Variants in ABHD5 observed in about 807,000 individuals in gnomAD.
ABHD5 encodes abhydrolase domain containing 5, lysophosphatidic acid acyltransferase, also known as 1-acylglycerol-3-phosphate O-acyltransferase ABHD5.
Under a neutral mutation model 44.9 loss-of-function variants are expected in ABHD5, and 30 were observed. That is an observed-to-expected ratio of 0.67 (90% CI 0.50 to 0.91). The LOEUF is 0.91. Ranked by LOEUF, ABHD5 falls within the 40% of genes least tolerant of loss-of-function variation. The pLI, the probability that ABHD5 is intolerant of heterozygous loss-of-function variation, is 0.00. For missense variants in ABHD5, 399 were observed against 423.4 expected (o/e 0.94, Z 0.50); for synonymous variants, 167 against 147.0 (o/e 1.14, Z -0.99).
chr3:43,725,607 T>C (rs1257700715), downstream of ABHD5, among the ~76,000 whole-genome samples: 6 of 152,212 alleles, frequency 3.9e-5, no homozygotes, highest in Non-Finnish European at 8.8e-5. Flanking sequence ...ATCCTACTTT[T>C]TAAAAAATTA....
At chr3:43,710,086 A>G (rs1233960098) in intron 3 of ABHD5, among the ~76,000 whole-genome samples, 2 of 152,146 alleles carry the variant, frequency 1.3e-5, no homozygotes, top group African/African-American at 4.8e-5. Context: ...TGGTCAAAAT[A>G]TAAGAGTTAG....
At position 43,699,317 on chromosome 3, in the gene ABHD5, C is replaced by T. The variant is rs1391492123; in HGVS notation, c.89C>T (p.Thr30Met). Residue 30 changes from threonine to methionine, a missense_variant, in exon 2 of 7, where the codon ACG becomes ATG. Physicochemically the swap from Thr to Met is moderately conservative, Grantham distance 81. Transcript: ENST00000644371. Reference sequence around the variant, plus strand: ...GGTTGGCTCCCCACATGGTGCCCTACGTCTATATCACACCTTAAAGAAGCT... The same window carrying T: ...GGTTGGCTCCCCACATGGTGCCCTATGTCTATATCACACCTTAAAGAAGCT... ...LTGWLPTWCP[T>M]SISHLKEAEE... 1.1e-5 allele frequency: 17 copies of T among 1,614,032 alleles called. No homozygotes were observed. Among genetic ancestry groups the T allele is most frequent in the Admixed American group, 1.7e-5 (1 of 60,020 alleles).
intron 3 of ABHD5, among the ~76,000 whole-genome samples, chr3:43,706,723 C>T (rs1381865046): frequency 1.3e-5 from 2 of 152,190 alleles, no homozygotes; most frequent in African/African-American, 4.8e-5. Context: ...GCCGGGATTA[C>T]AGGCATGAGA....
chr3:43,702,446 G>T lies in ABHD5; in HGVS notation c.365G>T (p.Ser122Ile), dbSNP rs1306878020. The change falls in exon 3 of 7, where the codon AGT becomes ATT. Residue 122 changes from serine to isoleucine, a missense_variant. Transcript: ENST00000644371. Reference protein sequence around the residue: ...FGRSSRPRFDSDAEEVENQFV... With the variant: ...FGRSSRPRFDIDAEEVENQFV... ...CGAAGTAGTAGACCCAGGTTTGACAGTGATGCAGAAGAAGTGGAGAATCAG... is the reference window on the plus strand; with the variant it reads ...CGAAGTAGTAGACCCAGGTTTGACATTGATGCAGAAGAAGTGGAGAATCAG... The T allele has an allele frequency of 2.5e-6, 4 of 1,614,254 alleles. No individual in the cohort carries two copies. The highest frequency in any genetic ancestry group is 3.4e-6 in the Non-Finnish European group (4 of 1,180,050).
chr3:43,696,373 G>T (rs375908146), intron 1 of ABHD5, among the ~76,000 whole-genome samples: 2 of 152,156 alleles, frequency 1.3e-5, no homozygotes, highest in East Asian at 3.9e-4. Context: ...CTTGAATTTT[G>T]TGACCTCAGA....
Position 43,690,969 on chromosome 3 carries a change from C to A in ABHD5, c.-24C>A, listed in dbSNP as rs189850893. The A allele has an allele frequency of 6.4e-6, 10 of 1,567,498 alleles. No homozygotes were observed. Among genetic ancestry groups the A allele is most frequent in the Middle Eastern group, 1.7e-4 (1 of 5,888 alleles). On this transcript the variant is annotated 5_prime_UTR_variant, in exon 1 of 7. Coordinates refer to ENST00000644371, the MANE Select transcript of ABHD5 (RefSeq NM_016006.6). The stretch of plus-strand genomic sequence containing the variant: ...CCTGTCAGCCGGCTTCGAGATAAGT[C>A]CCGGCGCTTGCGCGGCGGCGGCTAT...
rs1197048854 is a variant in ABHD5, at chr3:43,730,502, T to C, written c.*30-3378T>C. Among the ~76,000 whole-genome samples, 25 of 27,418 alleles carry C rather than the reference T, an allele frequency of 9.1e-4. No individual in the cohort carries two copies. The East Asian group carries it at 0.025, about 27-fold the overall frequency. The allele number at this position is 27,418 out of a possible 152,430, so 18.0% of individuals were successfully genotyped here. A position where few individuals can be genotyped will look rare whatever the true frequency, so the allele number is the denominator to read the frequency against. ...AATGGAGAATAGAAAATAATCCCTT[T>C]TTTTTTTTTTTTTTTTTTTTTGAGA... On this transcript the variant is annotated intron_variant, in intron 7 of 7. Transcript: ENST00000454293.
intron 3 of ABHD5, among the ~76,000 whole-genome samples, chr3:43,705,341 A>G (rs2084602984): frequency 2.0e-5 from 3 of 152,202 alleles, no homozygotes; most frequent in African/African-American, 7.2e-5. Context: ...TTGCCCAGTT[A>G]GTCTACATCT....
Position 43,722,465 on chromosome 3 carries a change from G to T in ABHD5, c.*3933G>T. 1 of 152,174 alleles carries T rather than the reference G, an allele frequency of 6.6e-6. No individual in the cohort carries two copies. Among genetic ancestry groups the T allele is most frequent in the South Asian group, 2.1e-4 (1 of 4,826 alleles). The allele number at this position is 152,174 out of a possible 1,614,324, so 9.4% of individuals were successfully genotyped here. A position where few individuals can be genotyped will look rare whatever the true frequency, so the allele number is the denominator to read the frequency against. On this transcript the variant is annotated 3_prime_UTR_variant, in exon 7 of 7. Coordinates refer to ENST00000644371, the MANE Select transcript of ABHD5 (RefSeq NM_016006.6). ...TAAAATGATCTCCTTGTTAGTGGTG[G>T]TAGGGAGCTAGACAAGGATGGCAAC...
At chr3:43,696,180 T>C (rs982716769) in intron 1 of ABHD5, among the ~76,000 whole-genome samples, 6 of 152,242 alleles carry the variant, frequency 3.9e-5, no homozygotes, top group African/African-American at 1.4e-4. Context: ...TGTATTACAG[T>C]TGACACTTTG....
At chr3:43,704,033 CTTTTTTTTTTT>C (rs10544525) in intron 3 of ABHD5, among the ~76,000 whole-genome samples, 3 of 84,860 alleles carry the variant, frequency 3.5e-5, no homozygotes, top group Non-Finnish European at 6.5e-5. Context: ...TCTTTATTTT[CTTTTTTTTTTT>C]TTTTTTTTTT....
At position 43,712,406 on chromosome 3, in the gene ABHD5, T is replaced by C. The variant is rs947024189; in HGVS notation, c.661+543T>C. 4.6e-5 allele frequency among the ~76,000 whole-genome samples: 7 copies of C among 152,298 alleles called. No homozygotes were observed. In the South Asian group the frequency reaches 1.4e-3, roughly 32 times the overall value. On this transcript the variant is annotated intron_variant, in intron 4 of 6. Transcript: ENST00000644371. ...CACAACATTTTGGGGACTCCTGATA[T>C]ATATTTCTGGTCATATTTTGAGGCA...
At chr3:43,730,918 T>C (rs2084908778) in intron 7 of ABHD5, among the ~76,000 whole-genome samples, 1 of 152,164 alleles carries the variant, frequency 6.6e-6, no homozygotes. Flanking sequence ...AACCTCTGCC[T>C]CCTGGGTTCA....
intron 3 of ABHD5, among the ~76,000 whole-genome samples, chr3:43,709,594 T>G (rs1292738795): frequency 6.6e-6 from 1 of 152,218 alleles, no homozygotes; most frequent in African/African-American, 2.4e-5. Context: ...AGAGTTCATT[T>G]TTCTCTTTGG....
At chr3:43,705,993 A>G (rs2084614126) in intron 3 of ABHD5, among the ~76,000 whole-genome samples, 1 of 152,202 alleles carries the variant, frequency 6.6e-6, no homozygotes, top group African/African-American at 2.4e-5. Context: ...ATTAAACAGG[A>G]TTAAACAGGA....
rs552499777 is a variant in ABHD5, at chr3:43,711,341, A to G, written c.507-368A>G. 1.3e-4 allele frequency among the ~76,000 whole-genome samples: 20 copies of G among 152,358 alleles called. No homozygotes were observed. In the East Asian group the frequency reaches 3.5e-3, roughly 26 times the overall value. On this transcript the variant is annotated intron_variant, in intron 3 of 6. Coordinates refer to ENST00000644371, the MANE Select transcript of ABHD5 (RefSeq NM_016006.6). ...TTTTGCAGTGTCAACCTAGACATAC[A>G]TGGAACCATTGGATTTTTCTGAGTG...
At chr3:43,731,821 G>C (rs756313931) in intron 7 of ABHD5, among the ~76,000 whole-genome samples, 4 of 151,884 alleles carry the variant, frequency 2.6e-5, no homozygotes, top group Non-Finnish European at 5.9e-5. Context: ...TAAGAAGAGT[G>C]AAACTCCGTC....
At chr3:43,696,558 A>G (rs555079178) in intron 1 of ABHD5, among the ~76,000 whole-genome samples, 1 of 152,198 alleles carries the variant, frequency 6.6e-6, no homozygotes, top group Non-Finnish European at 1.5e-5. Flanking sequence ...GTAGAGTTGG[A>G]TGGGTAAGTT....
At chr3:43,726,692 T>C (rs1272628588), downstream of ABHD5, among the ~76,000 whole-genome samples, 4 of 152,094 alleles carry the variant, frequency 2.6e-5, no homozygotes, top group African/African-American at 2.4e-5. Context: ...CATCTGAGCA[T>C]GAGATGTGGA....
Sources: allele counts gnomAD v4.1 joint callset (sites outside exome capture counted in the v4.1 genomes callset), GRCh38; gene constraint gnomAD v4.1.1; transcripts MANE v1.5; gene names NCBI Gene and HGNC (gene_info 2026-07-23, HGNC 2026-07-21).